The following SCIN variants were observed in gnomAD, a reference collection of about 807,000 sequenced individuals.
SCIN encodes scinderin.
In SCIN, 91 loss-of-function variants were observed where a neutral mutation model predicts 91.8. The ratio of observed to expected loss-of-function variants is 0.99; its 90% CI spans 0.84 to 1.18. The LOEUF (loss-of-function observed/expected upper bound fraction) is 1.18. Ranked by LOEUF, SCIN falls within the 50% of genes most tolerant of loss-of-function variation. The probability of loss-of-function intolerance (pLI) is 0.00; values close to 1 mark genes in which losing one functional copy is unlikely to be tolerated. For missense variants in SCIN, 1,087 were observed against 863.9 expected, an observed-to-expected ratio of 1.26 and a Z score of -3.24; for synonymous variants, 367 against 312.6, an observed-to-expected ratio of 1.17 and a Z score of -1.84.
Position 12,578,063 on chromosome 7 carries a change from G to A in SCIN, c.200-1G>A, listed in dbSNP as rs1355343792. 1 of 1,539,146 alleles carries A rather than the reference G, an allele frequency of 6.5e-7. No homozygotes were observed. The highest frequency in any genetic ancestry group is 8.8e-7 in the Non-Finnish European group (1 of 1,141,930). On this transcript the variant is annotated splice_acceptor_variant, in intron 1 of 15. Coordinates refer to ENST00000297029, the MANE Select transcript of SCIN (RefSeq NM_001112706.3). LOFTEE classifies it high-confidence loss of function. Reference sequence around the variant, plus strand: ...TGAGGTGCTGTTGTTCACTGTTTTAGGAAAGGAGTGTTCCCAGGATGAAAG... The same window carrying A: ...TGAGGTGCTGTTGTTCACTGTTTTAAGAAAGGAGTGTTCCCAGGATGAAAG...
chr7:12,618,057 G>A (rs911288655), intron 4 of SCIN, among the ~76,000 whole-genome samples: 40 of 152,000 alleles, frequency 2.6e-4, no homozygotes, highest in African/African-American at 9.2e-4. Flanking sequence ...TGATATTCTA[G>A]GAATGCTGAA....
chr7:12,630,466 A>G (rs1302565291), intron 9 of SCIN, among the ~76,000 whole-genome samples: 10 of 152,236 alleles, frequency 6.6e-5, no homozygotes, highest in Admixed American at 6.5e-4. Context: ...GCTGTCACCC[A>G]CACCAAATAA....
chr7:12,622,063 A>G (rs924993249), intron 4 of SCIN, among the ~76,000 whole-genome samples: 1 of 151,924 alleles, frequency 6.6e-6, no homozygotes, highest in African/African-American at 2.4e-5. Flanking sequence ...TTGACATTCT[A>G]TGCTGTTTGT....
At chr7:12,650,219 C>T (rs1004421585) in intron 14 of SCIN, among the ~76,000 whole-genome samples, 6 of 152,142 alleles carry the variant, frequency 3.9e-5, no homozygotes, top group Non-Finnish European at 7.3e-5. Context: ...AATTAATAAA[C>T]CATTCAGTTA....
At chr7:12,574,557 C>A (rs114732039) in intron 1 of SCIN, among the ~76,000 whole-genome samples, 1 of 151,968 alleles carries the variant, frequency 6.6e-6, no homozygotes. Flanking sequence ...TGAGAAAATA[C>A]GAATAAAATA....
chr7:12,618,007 C>T (rs868741135), intron 4 of SCIN, among the ~76,000 whole-genome samples: 6 of 151,892 alleles, frequency 4.0e-5, no homozygotes, highest in South Asian at 2.1e-4. Flanking sequence ...GGGTAATTTT[C>T]TTATGAGTTT....
At chr7:12,626,049 C>G (rs1273387758) in intron 7 of SCIN, 199 bp downstream of exon 7, 1 of 531,894 alleles carries the variant, frequency 1.9e-6, no homozygotes, top group Non-Finnish European at 3.3e-6. Context: ...GCACATCAGA[C>G]TTTCCATAGA....
chr7:12,615,416 C>G (rs1465556043), intron 4 of SCIN, among the ~76,000 whole-genome samples: 1 of 151,940 alleles, frequency 6.6e-6, no homozygotes, highest in Admixed American at 6.6e-5. Flanking sequence ...TAGTTTTTTC[C>G]TTTGTGTTCC....
At chr7:12,608,396 C>T (rs1412992574) in intron 4 of SCIN, among the ~76,000 whole-genome samples, 2 of 151,932 alleles carry the variant, frequency 1.3e-5, no homozygotes, top group African/African-American at 4.8e-5. Context: ...TTTTCTGAGA[C>T]CCTGGTGCAA....
intron 4 of SCIN, among the ~76,000 whole-genome samples, chr7:12,621,972 T>G (rs1473453168): frequency 1.3e-5 from 2 of 151,844 alleles, no homozygotes; most frequent in Non-Finnish European, 2.9e-5. Context: ...AATGAACATC[T>G]TTGCATTTTC....
At chr7:12,628,831 A>G (rs995016425) in intron 8 of SCIN, among the ~76,000 whole-genome samples, 1 of 152,148 alleles carries the variant, frequency 6.6e-6, no homozygotes. Flanking sequence ...TGTTATTTCC[A>G]CTAGTAGATG....
chr7:12,610,207 T>A (rs1783163374), intron 4 of SCIN, among the ~76,000 whole-genome samples: 2 of 152,210 alleles, frequency 1.3e-5, no homozygotes, highest in Non-Finnish European at 2.9e-5. Flanking sequence ...GTTTTTTAAG[T>A]CATAATTCAC....
chr7:12,635,169 A>AAATAAT (rs991153390), intron 9 of SCIN, among the ~76,000 whole-genome samples: 10 of 151,308 alleles, frequency 6.6e-5, no homozygotes, highest in East Asian at 3.9e-4. Context: ...ACTCTGTCTC[A>AAATAAT]AATAATAATA....
At chr7:12,600,294 T>G (rs551504097) in intron 3 of SCIN, among the ~76,000 whole-genome samples, 1 of 152,236 alleles carries the variant, frequency 6.6e-6, no homozygotes, top group Non-Finnish European at 1.5e-5. Context: ...ATGTGGGAGC[T>G]AAGATATAAG....
chr7:12,618,671 CAT>C (rs1183984822), intron 4 of SCIN, among the ~76,000 whole-genome samples: 2 of 152,026 alleles, frequency 1.3e-5, no homozygotes, highest in African/African-American at 2.4e-5. Context: ...TTACCTAAGG[CAT>C]AAAATGCCTT....
At chr7:12,618,525 TGA>T (rs1214939273) in intron 4 of SCIN, among the ~76,000 whole-genome samples, 1 of 152,150 alleles carries the variant, frequency 6.6e-6, no homozygotes, top group Admixed American at 6.6e-5. Context: ...AGGCCATCAC[TGA>T]GAGAGAGCAG....
chr7:12,638,383 C>G (rs1283454742), intron 10 of SCIN, among the ~76,000 whole-genome samples: 1 of 152,194 alleles, frequency 6.6e-6, no homozygotes, highest in East Asian at 1.9e-4. Context: ...GAGAAGCCAT[C>G]TGCTCCCATC....
chr7:12,615,726 T>G (rs1783285955), intron 4 of SCIN, among the ~76,000 whole-genome samples: 1 of 152,060 alleles, frequency 6.6e-6, no homozygotes, highest in African/African-American at 2.4e-5. Flanking sequence ...AGAATATACA[T>G]TTTCTTAATG....
chr7:12,624,728 G>C (rs1318568920), intron 5 of SCIN, among the ~76,000 whole-genome samples: 2 of 152,100 alleles, frequency 1.3e-5, no homozygotes, highest in East Asian at 3.8e-4. Context: ...GATGTTTTAG[G>C]CACAGTGTCA....
Sources: gnomAD v4.1 joint callset for allele counts (sites outside exome capture counted in the v4.1 genomes callset) on GRCh38, gnomAD v4.1.1 for gene constraint, MANE v1.5 for transcripts, NCBI Gene and HGNC (gene_info 2026-07-23, HGNC 2026-07-21) for gene names.